Variants in MTCL1 observed in about 807,000 individuals in gnomAD.
MTCL1 encodes microtubule crosslinking factor 1, also known as microtubule cross-linking factor 1.
Under a neutral mutation model 141.4 loss-of-function variants are expected in MTCL1, and 79 were observed. The ratio of observed to expected loss-of-function variants is 0.56; its 90% CI spans 0.47 to 0.67. MTCL1 has a LOEUF of 0.67. Among genes scored for constraint, MTCL1 ranks in the 30% least tolerant of loss-of-function variants. MTCL1 has a pLI of 0.00. For synonymous variants in MTCL1, 914 were observed against 875.8 expected, an observed-to-expected ratio of 1.04 and a Z score of -0.77; for missense variants, 2,177 against 2,113.9, an observed-to-expected ratio of 1.03 and a Z score of -0.59.
exon 5 of MTCL1, chr18:8,777,877 G>A: frequency 1.9e-6 from 3 of 1,613,788 alleles, no homozygotes; most frequent in South Asian, 1.1e-5. Flanking sequence ...ACAAGGAGAA[G>A]AAAACCTTTA....
At chr18:8,763,953 T>C (rs1281937807) in intron 4 of MTCL1, among the ~76,000 whole-genome samples, 1 of 144,808 alleles carries the variant, frequency 6.9e-6, no homozygotes, top group Non-Finnish European at 1.5e-5. Context: ...GATTGGGATT[T>C]TTATTTCAGA....
At chr18:8,831,641 A>G (rs1282530235) in exon 17 of MTCL1, 2 of 1,550,466 alleles carry the variant, frequency 1.3e-6, no homozygotes, top group East Asian at 4.9e-5. Flanking sequence ...CCATCCCTAG[A>G]GCCCTGCTTC....
At chr18:8,817,394 C>T (rs551826451) in intron 12 of MTCL1, among the ~76,000 whole-genome samples, 1 of 151,812 alleles carries the variant, frequency 6.6e-6, no homozygotes, top group Non-Finnish European at 1.5e-5. Context: ...TTGCTGGGTC[C>T]CTAATTTGAC....
chr18:8,754,912 T>G (rs993261414), intron 4 of MTCL1, among the ~76,000 whole-genome samples: 1 of 152,230 alleles, frequency 6.6e-6, no homozygotes, highest in African/African-American at 2.4e-5. Context: ...AGCTCTGCCC[T>G]GACTCCCTGG....
At chr18:8,705,587 G>A, upstream of MTCL1, 1 of 966,986 alleles carries the variant, frequency 1.0e-6, no homozygotes, top group Non-Finnish European at 1.3e-6. The surrounding 1 kb of genome is among the most constrained non-coding windows in gnomAD (Gnocchi z 5.2). Context: ...GAGGCTGCAC[G>A]CCGCCGCCGC....
Position 8,830,748 on chromosome 18 carries a change from A to C in MTCL1, c.*19-859A>C. 1 of 985,430 alleles carries C rather than the reference A, an allele frequency of 1.0e-6. No homozygotes were observed. Among genetic ancestry groups the C allele is most frequent in the South Asian group, 4.7e-5 (1 of 21,282 alleles). 61.0% of individuals were successfully genotyped at this position (985,430 alleles called of 1,614,324 possible). A position where few individuals can be genotyped will look rare whatever the true frequency, so the allele number is the denominator to read the frequency against. On this transcript the variant is annotated intron_variant, in intron 16 of 16. Transcript: ENST00000359865. This position sits in a 1 kb window ranked among gnomAD's most constrained non-coding sequence, Gnocchi z 6.4. ...CTGGGCAACTCAGTTTTCTCATGCC[A>C]CAGCTTTTTACATTTCTGTGTATCA...
intron 16 of MTCL1, 154 bp from the exon 15 acceptor site, chr18:8,831,453 T>C (rs1421783696): frequency 3.5e-6 from 5 of 1,437,678 alleles, no homozygotes; most frequent in African/African-American, 1.4e-5. Flanking sequence ...TTTTAAGTTA[T>C]TCTGCATGAG....
intron 4 of MTCL1, among the ~76,000 whole-genome samples, chr18:8,760,462 C>G (rs1250849528): frequency 6.6e-6 from 1 of 152,204 alleles, no homozygotes; most frequent in Non-Finnish European, 1.5e-5. Context: ...TAGGGCAGTG[C>G]CTTGAGGGGT....
intron 4 of MTCL1, among the ~76,000 whole-genome samples, chr18:8,731,898 G>A (rs539494989): frequency 2.2e-3 from 327 of 151,672 alleles, no homozygotes; most frequent in Non-Finnish European, 4.0e-3. Context: ...CAGTAGAGAC[G>A]GGGTTTCATT....
At chr18:8,720,556 C>G (rs2096163647) in intron 4 of MTCL1, 60 bp downstream of exon 3, 1 of 1,515,714 alleles carries the variant, frequency 6.6e-7, no homozygotes. Flanking sequence ...GCTTGGAACT[C>G]CAAGTGCCCC....
intron 4 of MTCL1, among the ~76,000 whole-genome samples, chr18:8,767,203 T>C (rs1020455658): frequency 2.0e-5 from 3 of 152,244 alleles, no homozygotes; most frequent in African/African-American, 7.2e-5. Context: ...GGCTTAGAGC[T>C]AGGGATCCTA....
intron 4 of MTCL1, among the ~76,000 whole-genome samples, chr18:8,727,894 C>CT: frequency 8.9e-6 from 1 of 112,428 alleles, no homozygotes; most frequent in Admixed American, 1.0e-4. Flanking sequence ...CTCCCTCCCT[C>CT]CCTCTCTCTC....
intron 9 of MTCL1, among the ~76,000 whole-genome samples, chr18:8,797,840 C>T: frequency 6.6e-6 from 1 of 152,176 alleles, no homozygotes; most frequent in Admixed American, 6.5e-5. Context: ...TAGCTATTAG[C>T]AATACTAATT....
chr18:8,752,239 T>C (rs1375552618), intron 4 of MTCL1, among the ~76,000 whole-genome samples: 1 of 152,254 alleles, frequency 6.6e-6, no homozygotes, highest in Non-Finnish European at 1.5e-5. Context: ...TAAAAAGTTT[T>C]ATTTTGAGTA....
At chr18:8,784,661 G>A (rs181587784) in exon 6 of MTCL1, 8 of 1,614,118 alleles carry the variant, frequency 5.0e-6, no homozygotes, top group East Asian at 2.2e-5. Context: ...GACCATCAAC[G>A]CCAAGATGAA....
chr18:8,791,639 T>C (rs1042925317), intron 7 of MTCL1, among the ~76,000 whole-genome samples: 3 of 152,066 alleles, frequency 2.0e-5, no homozygotes, highest in Non-Finnish European at 4.4e-5. Flanking sequence ...GTCACCATCA[T>C]AAAAGACCAC....
intron 12 of MTCL1, among the ~76,000 whole-genome samples, chr18:8,816,033 T>C (rs184275857): frequency 1.3e-5 from 2 of 152,356 alleles, no homozygotes; most frequent in Non-Finnish European, 2.9e-5. Flanking sequence ...AAAGAAGACT[T>C]CTTAAATCTC....
chr18:8,716,667 G>A (rs116556978), upstream of MTCL1, among the ~76,000 whole-genome samples: 1,769 of 148,638 alleles, frequency 0.012, 43 homozygotes, highest in African/African-American at 0.042. Flanking sequence ...TACAGGATTA[G>A]CATGAGTGGT....
At chr18:8,713,297 C>T (rs1366111127), upstream of MTCL1, among the ~76,000 whole-genome samples, 1 of 152,206 alleles carries the variant, frequency 6.6e-6, no homozygotes, top group Admixed American at 6.5e-5. Context: ...AAGTATCCTC[C>T]AGACTTGATG....
Sources: gnomAD v4.1 joint callset for allele counts (sites outside exome capture counted in the v4.1 genomes callset) on GRCh38, gnomAD v4.1.1 for gene constraint, Gnocchi (gnomAD v3.1) non-coding constraint, MANE v1.5 for transcripts, NCBI Gene and HGNC (gene_info 2026-07-23, HGNC 2026-07-21) for gene names.